NXPE2: variants seen among roughly 807,000 people sequenced by gnomAD.
NXPE2 encodes neurexophilin and PC-esterase domain family member 2, also known as NXPE family member 2.
Under a neutral mutation model 34.4 loss-of-function variants are expected in NXPE2, and 34 were observed. The ratio of observed to expected loss-of-function variants is 0.99; its 90% CI spans 0.75 to 1.31. The LOEUF is 1.31. Among genes scored for constraint, NXPE2 ranks in the 40% most tolerant of loss-of-function variants. NXPE2 has a pLI of 0.00. For missense variants in NXPE2, 649 were observed against 672.5 expected, an observed-to-expected ratio of 0.97 and a Z score of 0.39; for synonymous variants, 235 against 231.3, an observed-to-expected ratio of 1.02 and a Z score of -0.15.
chr11:114,634,540 T>A, the NXPE2 span, among the ~76,000 whole-genome samples: 2 of 152,086 alleles, frequency 1.3e-5, no homozygotes, highest in African/African-American at 4.8e-5. Context: ...TCCTTGCCCA[T>A]GCCTATGTCC....
chr11:114,671,804 C>T, the NXPE2 span, among the ~76,000 whole-genome samples: 1 of 152,002 alleles, frequency 6.6e-6, no homozygotes, highest in African/African-American at 2.4e-5. Flanking sequence ...GAGAATTCCT[C>T]AGTTTGAAAA....
chr11:114,804,425 A>G, the NXPE2 span, among the ~76,000 whole-genome samples: 1 of 152,258 alleles, frequency 6.6e-6, no homozygotes, highest in African/African-American at 2.4e-5. Flanking sequence ...TTGCCTACCA[A>G]GAGGCTGAAG....
chr11:114,586,516 G>A, the NXPE2 span, among the ~76,000 whole-genome samples: 2 of 152,202 alleles, frequency 1.3e-5, no homozygotes. Flanking sequence ...ACAAGACTCA[G>A]GGGACAGGCT....
At chr11:114,805,205 TAA>T in the NXPE2 span, among the ~76,000 whole-genome samples, 3 of 149,026 alleles carry the variant, frequency 2.0e-5, no homozygotes, top group African/African-American at 7.4e-5. Flanking sequence ...TTTTTTTTTT[TAA>T]AAAAGGTAGG....
the NXPE2 span, among the ~76,000 whole-genome samples, chr11:114,467,312 A>G: frequency 3.9e-5 from 6 of 152,330 alleles, no homozygotes; most frequent in Admixed American, 1.3e-4. Flanking sequence ...TCCTAAGTAC[A>G]TTGTTTTTCT....
the NXPE2 span, among the ~76,000 whole-genome samples, chr11:114,794,139 C>A: frequency 6.6e-6 from 1 of 152,130 alleles, no homozygotes; most frequent in Non-Finnish European, 1.5e-5. Flanking sequence ...CTCCCGTCGG[C>A]TCTCCATCAT....
chr11:114,769,732 A>G, the NXPE2 span, among the ~76,000 whole-genome samples: 2 of 152,186 alleles, frequency 1.3e-5, no homozygotes, highest in Non-Finnish European at 2.9e-5. Context: ...CAAACACTGC[A>G]TGTTCTCAAT....
the NXPE2 span, chr11:114,582,493 C>A: frequency 1.2e-6 from 2 of 1,614,010 alleles, no homozygotes; most frequent in South Asian, 1.1e-5. Context: ...GTGCCATTGA[C>A]AAACTGGCCA....
chr11:114,588,899 T>C, the NXPE2 span, among the ~76,000 whole-genome samples: 3 of 152,104 alleles, frequency 2.0e-5, no homozygotes, highest in African/African-American at 7.2e-5. Flanking sequence ...AGAAGGAAAC[T>C]ACAGAAGTAG....
the NXPE2 span, among the ~76,000 whole-genome samples, chr11:114,629,545 C>A: frequency 2.0e-5 from 3 of 151,902 alleles, no homozygotes; most frequent in South Asian, 2.1e-4. Flanking sequence ...CTATCTATGA[C>A]AAACCCACAG....
At chr11:114,545,308 C>A in the NXPE2 span, among the ~76,000 whole-genome samples, 7 of 152,176 alleles carry the variant, frequency 4.6e-5, no homozygotes, top group South Asian at 8.3e-4. Context: ...AAACTGGAAG[C>A]AACCAAGAGC....
chr11:114,480,479 T>C, the NXPE2 span, among the ~76,000 whole-genome samples: 375 of 152,304 alleles, frequency 2.5e-3, 1 homozygote, highest in African/African-American at 8.5e-3. Flanking sequence ...CCTTTCCTGC[T>C]GCATGTGAGA....
chr11:114,557,672 T>TAA, the NXPE2 span, among the ~76,000 whole-genome samples: 1 of 122,292 alleles, frequency 8.2e-6, no homozygotes, highest in South Asian at 2.6e-4. Flanking sequence ...TATATATATA[T>TAA]AAAATCCTTG....
the NXPE2 span, among the ~76,000 whole-genome samples, chr11:114,470,476 A>G: frequency 6.6e-6 from 1 of 151,794 alleles, no homozygotes; most frequent in South Asian, 2.1e-4. Flanking sequence ...CTTTTCATGT[A>G]TTTATTTGTT....
chr11:114,576,973 G>A, the NXPE2 span, among the ~76,000 whole-genome samples: 2 of 118,386 alleles, frequency 1.7e-5, no homozygotes, highest in Non-Finnish European at 3.3e-5. Flanking sequence ...TAAAGAAGAT[G>A]TTTATATATA....
At chr11:114,725,976 A>AAATATATATATATATATATATATAT in the NXPE2 span, among the ~76,000 whole-genome samples, 22 of 101,750 alleles carry the variant, frequency 2.2e-4, no homozygotes, top group South Asian at 3.3e-4. Flanking sequence ...ATAAAAAAAA[A>AAATATATATATATATATATATATAT]ATATATATAT....
chr11:114,551,067 A>G, the NXPE2 span: 1 of 1,147,732 alleles, frequency 8.7e-7, no homozygotes, highest in African/African-American at 1.5e-5. Flanking sequence ...GTGAGGGCTT[A>G]CTGTGTGATC....
At chr11:114,773,079 T>G in the NXPE2 span, among the ~76,000 whole-genome samples, 6 of 152,144 alleles carry the variant, frequency 3.9e-5, no homozygotes, top group Non-Finnish European at 8.8e-5. Flanking sequence ...ATGATCTCAG[T>G]GCACTAACCC....
chr11:114,556,681 T>C, the NXPE2 span, among the ~76,000 whole-genome samples: 1 of 152,082 alleles, frequency 6.6e-6, no homozygotes, highest in Non-Finnish European at 1.5e-5. Flanking sequence ...AGTGCTTTCA[T>C]ATCATTTTTT....
Sources: allele counts gnomAD v4.1 joint callset (sites outside exome capture counted in the v4.1 genomes callset), GRCh38; gene constraint gnomAD v4.1.1; transcripts MANE v1.5; gene names NCBI Gene and HGNC (gene_info 2026-07-23, HGNC 2026-07-21).